The following CELA1 variants were observed in gnomAD, a reference collection of about 807,000 sequenced individuals.
CELA1 encodes the protein chymotrypsin like elastase 1, also known as chymotrypsin-like elastase family member 1.
In CELA1, 28 loss-of-function variants were observed where a neutral mutation model predicts 34.8. The observed-to-expected ratio is 0.80, with a 90% CI of 0.60 to 1.10. The LOEUF (loss-of-function observed/expected upper bound fraction) is 1.10. Ranked by LOEUF, CELA1 falls within the 50% of genes least tolerant of loss-of-function variation. The pLI is 0.00. For synonymous variants in CELA1, 140 were observed against 129.8 expected (o/e 1.08, Z -0.53); for missense variants, 288 against 327.5 (o/e 0.88, Z 0.93).
At chr12:51,345,104 A>G (rs958744043) in intron 2 of CELA1, among the ~76,000 whole-genome samples, 3 of 149,356 alleles carry the variant, frequency 2.0e-5, no homozygotes, top group Non-Finnish European at 4.5e-5. Flanking sequence ...TAGCCTGGGC[A>G]ATGAGAGCAA....
In CELA1 at chr12:51,339,886, C is replaced by A. The variant is rs765498118; in HGVS notation, c.583G>T (p.Gly195Ter). 4 of 1,614,090 alleles carry A rather than the reference C, an allele frequency of 2.5e-6. No homozygotes were observed. Among genetic ancestry groups the A allele is most frequent in the Non-Finnish European group, 3.4e-6 (4 of 1,179,990 alleles). ...TVKNTMVCAGGDGVRSGCQGD... is the reference protein window; with the variant it reads ...TVKNTMVCAG ...TGGCATCCAGAGCGAACTCCATCTC[C>A]ACCAGCACACACCATGGTGTTCTTC... The change falls in exon 6 of 8, where the codon GGA becomes TGA. Residue 195 changes from glycine to a stop codon, truncating the protein, a stop_gained. Coordinates refer to ENST00000293636, the MANE Select transcript of CELA1 (RefSeq NM_001971.6). LOFTEE classifies it high-confidence loss of function.
intron 6 of CELA1, among the ~76,000 whole-genome samples, chr12:51,334,672 G>A (rs540351886): frequency 6.6e-6 from 1 of 152,300 alleles, no homozygotes; most frequent in South Asian, 2.1e-4. Context: ...CTGACCTCGT[G>A]ATCCGCCTGC....
chr12:51,336,391 C>A lies in CELA1; in HGVS notation c.609+3469G>T, dbSNP rs532860472. On this transcript the variant is annotated intron_variant, in intron 6 of 7. Coordinates refer to ENST00000293636, the MANE Select transcript of CELA1 (RefSeq NM_001971.6). ...AGGCGTGGTGGCTCATGCCTGTAATCCCAGCACTTTGGGAGGCTGAGGTCA... is the reference window on the plus strand; with the variant it reads ...AGGCGTGGTGGCTCATGCCTGTAATACCAGCACTTTGGGAGGCTGAGGTCA... Among the ~76,000 whole-genome samples, 25 of 152,268 alleles carry A rather than the reference C, an allele frequency of 1.6e-4. 1 individual carries two copies. In the East Asian group the frequency reaches 4.4e-3, roughly 27 times the overall value.
At position 51,343,760 on chromosome 12, in the gene CELA1, C is replaced by T. The variant is rs778795147; in HGVS notation, c.193G>A (p.Val65Met). Residue 65 changes from valine to methionine, a missense_variant, in exon 3 of 8, where the codon GTG becomes ATG. By Grantham distance (21) the Val-to-Met change is conservative (BLOSUM62 1). Coordinates refer to ENST00000293636, the MANE Select transcript of CELA1 (RefSeq NM_001971.6). ...TGTCTTTGTTTTTCTTACTAATCCA[C>T]GCAGTGAGCAGCTGTCATCACCCAG... ...QNWVMTAAHC[V>M]DYQKTFRVVA... 8.2e-6 allele frequency: 13 copies of T among 1,586,500 alleles called. No homozygotes were observed. The highest frequency in any genetic ancestry group is 2.2e-5 in the East Asian group (1 of 44,794).
At chr12:51,340,041 G>C in intron 5 of CELA1, 36 bp from the exon 6 acceptor site, 1 of 1,591,792 alleles carries the variant, frequency 6.3e-7, no homozygotes, top group Non-Finnish European at 8.6e-7. Flanking sequence ...GTCAGCTCCA[G>C]ATGTGGTCCA....
In CELA1 at chr12:51,339,853, T is replaced by A; in HGVS notation, c.609+7A>T. On this transcript the variant is annotated splice_region_variant and intron_variant, in intron 6 of 7. Coordinates refer to ENST00000293636, the MANE Select transcript of CELA1 (RefSeq NM_001971.6). ...GACCTGGGGTGGGACCCCCTGCAAA[T>A]GTTCACCTGGCATCCAGAGCGAACT... The A allele has an allele frequency of 2.5e-6, 4 of 1,603,990 alleles. No homozygotes were observed. The highest frequency in any genetic ancestry group is 3.4e-6 in the Non-Finnish European group (4 of 1,175,464).
At chr12:51,342,793 A>T (rs1946545473) in intron 3 of CELA1, 93 bp from the exon 4 acceptor site, 4 of 1,369,744 alleles carry the variant, frequency 2.9e-6, no homozygotes, top group African/African-American at 1.5e-5. Context: ...CTTTTTTTTT[A>T]ATCATTATTA....
At chr12:51,340,507 A>G (rs1389945445) in intron 5 of CELA1, among the ~76,000 whole-genome samples, 1 of 150,378 alleles carries the variant, frequency 6.6e-6, no homozygotes, top group East Asian at 2.0e-4. Flanking sequence ...CTCCTGCCTC[A>G]GCCTGCCGAG....
chr12:51,332,360 G>C (rs1946474973), intron 6 of CELA1, among the ~76,000 whole-genome samples: 1 of 151,620 alleles, frequency 6.6e-6, no homozygotes, highest in South Asian at 2.1e-4. Context: ...TGGAGGGCAG[G>C]TATGTATATA....
intron 1 of CELA1, among the ~76,000 whole-genome samples, chr12:51,346,110 G>A (rs529356048): frequency 1.3e-5 from 2 of 152,008 alleles, no homozygotes; most frequent in East Asian, 3.9e-4. Flanking sequence ...ATGCTATGAA[G>A]GACCTCTCTC....
In CELA1 at chr12:51,346,311, A is replaced by G. The variant is rs190233342; in HGVS notation, c.16+312T>C. ...ACCTGCTGAGGAAGTCCTCCTGTCA[A>G]TGGGGGTGGTGGGGAAGCCCAGGGA... On this transcript the variant is annotated intron_variant, in intron 1 of 7. Coordinates refer to ENST00000293636, the MANE Select transcript of CELA1 (RefSeq NM_001971.6). Among the ~76,000 whole-genome samples the G allele has an allele frequency of 2.6e-5, 4 of 151,704 alleles. No individual in the cohort carries two copies. The East Asian group carries it at 7.8e-4, about 30-fold the overall frequency.
intron 6 of CELA1, among the ~76,000 whole-genome samples, chr12:51,339,020 TC>T (rs1946517091): frequency 6.6e-6 from 1 of 152,212 alleles, no homozygotes; most frequent in African/African-American, 2.4e-5. Context: ...ATTGATCTTG[TC>T]AAAATAGAGG....
chr12:51,343,686 C>A (rs912118480), intron 3 of CELA1, 67 bp downstream of exon 3: 1 of 954,564 alleles, frequency 1.0e-6, no homozygotes, highest in African/African-American at 1.6e-5. Flanking sequence ...AAAATTATAT[C>A]CTCTTTCAGA....
At chr12:51,330,091 A>G (rs1412681496) in intron 6 of CELA1, among the ~76,000 whole-genome samples, 1 of 152,136 alleles carries the variant, frequency 6.6e-6, no homozygotes. Flanking sequence ...ACCTCCTCAC[A>G]CATGTCTATG....
In CELA1 at chr12:51,331,273, C is replaced by T. The variant is rs200862908; in HGVS notation, c.610-1440G>A. ...GCGTGGTGGTACATGCCTGTAATCC[C>T]AGTTACTCAGGAGGCTGAGGCAGGA... is the stretch of plus-strand genomic sequence containing the variant. On this transcript the variant is annotated intron_variant, in intron 6 of 7. Coordinates refer to ENST00000293636, the MANE Select transcript of CELA1 (RefSeq NM_001971.6). Among the ~76,000 whole-genome samples, 33 of 152,214 alleles carry T rather than the reference C, an allele frequency of 2.2e-4. No homozygotes were observed. In the East Asian group the frequency reaches 6.0e-3, roughly 28 times the overall value.
At chr12:51,343,888 G>T in intron 2 of CELA1, 35 bp from the exon 3 acceptor site, 1 of 1,227,222 alleles carries the variant, frequency 8.1e-7, no homozygotes, top group Non-Finnish European at 1.2e-6. Flanking sequence ...GGATAGGTTG[G>T]TGTTTCTCAA....
chr12:51,329,661 AC>A, intron 7 of CELA1, 22 bp downstream of exon 7: 2 of 1,591,302 alleles, frequency 1.3e-6, no homozygotes, highest in Non-Finnish European at 1.7e-6. Flanking sequence ...CCCCATTTCA[AC>A]CCATCATTTG....
intron 6 of CELA1, among the ~76,000 whole-genome samples, chr12:51,335,629 CTTT>C (rs11410624): frequency 5.2e-5 from 7 of 135,358 alleles, no homozygotes; most frequent in Admixed American, 1.5e-4. Context: ...TTTGTTCTTC[CTTT>C]TTTTTTTTTT....
Position 51,338,253 on chromosome 12 carries a change from CAT to C in CELA1, c.609+1605_609+1606del, listed in dbSNP as rs1203278770. 6.7e-4 allele frequency among the ~76,000 whole-genome samples: 48 copies of C among 71,362 alleles called. No homozygotes were observed. In the East Asian group the frequency reaches 9.8e-3, roughly 15 times the overall value. 46.8% of individuals were successfully genotyped at this position (71,362 alleles called of 152,430 possible). ...ACTCCATCTCAGGAAAAAAAAAAAA[CAT>C]ACACACACACACACACACACACACA... On this transcript the variant is annotated intron_variant, in intron 6 of 7. Coordinates refer to ENST00000293636, the MANE Select transcript of CELA1 (RefSeq NM_001971.6).
Sources: gnomAD v4.1 joint callset for allele counts (sites outside exome capture counted in the v4.1 genomes callset) on GRCh38, gnomAD v4.1.1 for gene constraint, MANE v1.5 for transcripts, NCBI Gene and HGNC (gene_info 2026-07-23, HGNC 2026-07-21) for gene names.